The following SHANK2 variants were observed in gnomAD, a reference collection of about 807,000 sequenced individuals.
SHANK2 encodes SH3 and multiple ankyrin repeat domains 2, also known as SH3 and multiple ankyrin repeat domains protein 2.
SHANK2 carries 43 observed loss-of-function variants against 133.7 expected under a neutral mutation model. The observed-to-expected ratio is 0.32, with a 90% CI of 0.25 to 0.41. The LOEUF is 0.41. Ranked by LOEUF, SHANK2 falls within the 10% of genes least tolerant of loss-of-function variation. The pLI is 1.00. For missense variants in SHANK2, 1,994 were observed against 2,235.8 expected (o/e 0.89, Z 2.18); for synonymous variants, 1,017 against 952.8 (o/e 1.07, Z -1.24).
chr11:70,900,567 T>G (rs564292933), intron 10 of SHANK2, among the ~76,000 whole-genome samples: 1 of 152,260 alleles, frequency 6.6e-6, no homozygotes, highest in Admixed American at 6.5e-5. Flanking sequence ...CCCCTAGTGA[T>G]TCCGGGATTC....
chr11:71,153,165 A>C (rs2135432800), intron 2 of SHANK2, among the ~76,000 whole-genome samples: 1 of 152,236 alleles, frequency 6.6e-6, no homozygotes, highest in African/African-American at 2.4e-5. Context: ...AGAGAATGAA[A>C]GCAAAGCCGA....
At chr11:71,066,100 G>A (rs1951055559) in intron 9 of SHANK2, among the ~76,000 whole-genome samples, 1 of 67,166 alleles carries the variant, frequency 1.5e-5, no homozygotes, top group Non-Finnish European at 2.8e-5. Context: ...TGGGGGGGGT[G>A]TGTGCAGAAC....
chr11:70,644,294 G>T (rs1329171239), intron 17 of SHANK2, among the ~76,000 whole-genome samples: 1 of 152,084 alleles, frequency 6.6e-6, no homozygotes, highest in Non-Finnish European at 1.5e-5. Flanking sequence ...CTCCCAAACT[G>T]AAACTCTGTC....
intron 17 of SHANK2, among the ~76,000 whole-genome samples, chr11:70,625,810 GAAAAA>G (rs34147403): frequency 0.051 from 2,090 of 41,280 alleles, 5 homozygotes; most frequent in African/African-American, 0.091. Context: ...GTGCAAAAAT[GAAAAA>G]AAAAAAAAAA....
intron 14 of SHANK2, among the ~76,000 whole-genome samples, chr11:70,754,107 T>C (rs919660570): frequency 1.3e-5 from 2 of 152,244 alleles, no homozygotes; most frequent in South Asian, 2.1e-4. Flanking sequence ...CCACTACGCC[T>C]GACAATTGTG....
intron 17 of SHANK2, among the ~76,000 whole-genome samples, chr11:70,525,646 A>C (rs1362786865): frequency 6.6e-6 from 1 of 151,880 alleles, no homozygotes; most frequent in Admixed American, 6.6e-5. Flanking sequence ...GTGCAGCCCC[A>C]CCTCCCAACG....
In SHANK2 at chr11:70,473,610, A is replaced by G; in HGVS notation, c.4980-171T>C. The G allele has an allele frequency of 2.8e-6, 2 of 720,986 alleles. No individual in the cohort carries two copies. The highest frequency in any genetic ancestry group is 1.5e-5 in the South Asian group (1 of 65,986). The allele number at this position is 720,986 out of a possible 1,614,324, so 44.7% of individuals were successfully genotyped here. ...TGCCATGCCAGGGTGGGGGAGGGGG[A>G]GAAAGGGGCCAGAGCAAAGTTGGAG... On this transcript the variant is annotated intron_variant, in intron 25 of 25. Coordinates refer to ENST00000601538, the MANE Select transcript of SHANK2 (RefSeq NM_012309.5). The surrounding 1 kb of genome is among the most constrained non-coding windows in gnomAD (Gnocchi z 5.9).
chr11:70,731,881 G>A (rs1946296156), intron 14 of SHANK2, among the ~76,000 whole-genome samples: 1 of 152,284 alleles, frequency 6.6e-6, no homozygotes, highest in Non-Finnish European at 1.5e-5. Context: ...TGACACAGCC[G>A]CCTCCTCCTC....
chr11:70,486,333 G>A lies in SHANK2; in HGVS notation c.3960C>T (p.Asp1320=), dbSNP rs782053793. 1.6e-5 allele frequency: 26 copies of A among 1,613,738 alleles called. No individual in the cohort carries two copies. Among genetic ancestry groups the A allele is most frequent in the Middle Eastern group, 1.6e-4 (1 of 6,084 alleles). Reference sequence around the variant, plus strand: ...GCAGGGCGTTGTCCAGCTTAGTGGCGTCCACGGTGTGCACCATCAGCAGGC... The same window carrying A: ...GCAGGGCGTTGTCCAGCTTAGTGGCATCCACGGTGTGCACCATCAGCAGGC... ...SAGLLMVHTV[D]ATKLDNALQE... Residue 1320 remains aspartate (D), a synonymous_variant, in exon 25 of 26, where the codon GAC becomes GAT. Transcript: ENST00000601538. This position sits in a 1 kb window ranked among gnomAD's most constrained non-coding sequence, Gnocchi z 8.0.
rs782728731 is a variant in SHANK2, at chr11:70,486,424, C to T, written c.3869G>A (p.Arg1290Gln). Residue 1290 changes from arginine (R) to glutamine (Q), a missense_variant, in exon 25 of 26, where the codon CGG becomes CAG. Physicochemically the swap from Arg to Gln is conservative, Grantham distance 43. Coordinates refer to ENST00000601538, the MANE Select transcript of SHANK2 (RefSeq NM_012309.5). This position sits in a 1 kb window ranked among gnomAD's most constrained non-coding sequence, Gnocchi z 8.0. ...CATGTTCTTCTTGTCATCGCCTTTC[C>T]GGTCTCGGCCCAGGTCGGTCTCGTA... ...NKYETDLGRD[R>Q]KGDDKKNMLI... The T allele has an allele frequency of 6.2e-6, 10 of 1,614,068 alleles. No homozygotes were observed. The highest frequency in any genetic ancestry group is 5.5e-5 in the South Asian group (5 of 91,078).
intron 14 of SHANK2, among the ~76,000 whole-genome samples, chr11:70,776,902 C>T (rs912176357): frequency 6.6e-6 from 1 of 151,508 alleles, no homozygotes; most frequent in Non-Finnish European, 1.5e-5. Context: ...CCCACTCACC[C>T]ATCCTCCCAT....
intron 2 of SHANK2, among the ~76,000 whole-genome samples, chr11:71,208,763 CA>C (rs1954185795): frequency 6.6e-6 from 1 of 152,120 alleles, no homozygotes; most frequent in African/African-American, 2.4e-5. Context: ...GGAGGCTTAA[CA>C]AGAGAGTCTA....
chr11:71,242,908 C>A (rs1305876337), intron 1 of SHANK2, among the ~76,000 whole-genome samples: 1 of 152,158 alleles, frequency 6.6e-6, no homozygotes, highest in East Asian at 1.9e-4. Flanking sequence ...GAATGAAATT[C>A]GAAATTTATT....
At chr11:70,572,980 G>A (rs2060064833) in intron 17 of SHANK2, among the ~76,000 whole-genome samples, 1 of 152,182 alleles carries the variant, frequency 6.6e-6, no homozygotes, top group Admixed American at 6.5e-5. Context: ...GTAGGTCGGA[G>A]TGGCTGCAAC....
Position 70,479,826 on chromosome 11 carries a change from G to A in SHANK2, c.4979+5488C>T, listed in dbSNP as rs146409648. On this transcript the variant is annotated intron_variant, in intron 25 of 25. Transcript: ENST00000601538. The surrounding 1 kb of genome is among the most constrained non-coding windows in gnomAD (Gnocchi z 4.4). ...CAGTATCTCTCAATAAAGCTGGAGG[G>A]CACATGACACCTGGGGCTCCTGGGT... 4.7e-4 allele frequency among the ~76,000 whole-genome samples: 72 copies of A among 152,332 alleles called. No homozygotes were observed. Among genetic ancestry groups the A allele is most frequent in the Non-Finnish European group, 9.0e-4 (61 of 68,038 alleles).
At chr11:70,871,989 C>T (rs1012303595) in intron 11 of SHANK2, among the ~76,000 whole-genome samples, 4 of 152,160 alleles carry the variant, frequency 2.6e-5, no homozygotes, top group African/African-American at 7.2e-5. Context: ...TACAGCCCCA[C>T]GACGACATCC....
At chr11:70,580,485 G>A (rs1012216082) in intron 17 of SHANK2, among the ~76,000 whole-genome samples, 2 of 152,236 alleles carry the variant, frequency 1.3e-5, no homozygotes, top group African/African-American at 2.4e-5. Flanking sequence ...AATGAGCGGC[G>A]TGGGCCTGCA....
intron 12 of SHANK2, among the ~76,000 whole-genome samples, chr11:70,818,304 C>T (rs1344521887): frequency 1.3e-5 from 2 of 152,158 alleles, no homozygotes; most frequent in Non-Finnish European, 1.5e-5. Flanking sequence ...CATACACAGG[C>T]ATACACAAAC....
intron 11 of SHANK2, chr11:70,864,418 T>G (rs1949317977): frequency 6.5e-6 from 1 of 152,772 alleles, no homozygotes; most frequent in Admixed American, 6.5e-5. Context: ...CCGCGGGGAC[T>G]TCCCCATTAA....
Sources: allele counts gnomAD v4.1 joint callset (sites outside exome capture counted in the v4.1 genomes callset), GRCh38; gene constraint gnomAD v4.1.1; non-coding constraint Gnocchi (gnomAD v3.1); transcripts MANE v1.5; gene names NCBI Gene and HGNC (gene_info 2026-07-23, HGNC 2026-07-21).